The following CAPN12 variants were observed in gnomAD, a reference collection of about 807,000 sequenced individuals.
CAPN12 encodes the protein calpain-12.
A neutral mutation model predicts 95.0 loss-of-function variants in CAPN12; 107 were observed. That is an observed-to-expected ratio of 1.13 (90% confidence interval 0.96 to 1.32). The LOEUF is 1.32. Ranked by LOEUF, CAPN12 falls within the 40% of genes most tolerant of loss-of-function variation. CAPN12 has a pLI of 0.00. For synonymous variants in CAPN12, 505 were observed against 415.5 expected (o/e 1.22, Z -2.62); for missense variants, 1,136 against 997.8 (o/e 1.14, Z -1.87).
At chr19:38,730,911 C>T in intron 20 of CAPN12, 33 bp from the exon 21 acceptor site, 1 of 1,550,666 alleles carries the variant, frequency 6.4e-7, no homozygotes, top group South Asian at 1.2e-5. Flanking sequence ...TGGCTTGAGG[C>T]AGGGAGCTCG....
Position 38,736,132 on chromosome 19 carries a change from A to G in CAPN12, c.1561T>C (p.Ser521Pro). 1 of 1,507,630 alleles carries G rather than the reference A, an allele frequency of 6.6e-7. No homozygotes were observed. The highest frequency in any genetic ancestry group is 8.8e-7 in the Non-Finnish European group (1 of 1,131,516). 93.4% of individuals were successfully genotyped at this position (1,507,630 alleles called of 1,614,324 possible). Residue 521 changes from serine to proline, a missense_variant, in exon 12 of 21, where the codon TCC (serine) becomes CCC (proline). Transcript: ENST00000328867. ...DEADFTLRVF[S>P]ERRHTAVEID... ...CACACGGCCGTGTGGCGGCGCTCGG[A>G]GAAGACACGCAGAGTGAAGTCAGCC...
In CAPN12 at chr19:38,735,544, C is replaced by T. The variant is rs771842458; in HGVS notation, c.1584G>A (p.Val528=). The T allele has an allele frequency of 6.2e-6, 10 of 1,609,612 alleles. No individual in the cohort carries two copies. Among genetic ancestry groups the T allele is most frequent in the East Asian group, 2.2e-5 (1 of 44,556 alleles). Residue 528 remains valine (V), a splice_region_variant and synonymous_variant, in exon 13 of 21, where the codon GTG becomes GTA. Coordinates refer to ENST00000328867, the MANE Select transcript of CAPN12 (RefSeq NM_144691.4). The stretch of plus-strand genomic sequence containing the variant: ...CTGCGCTGATCACGTCGTCGATCTC[C>T]CTGCAAATTACAGATGGGAAGTGGG... ...RVFSERRHTA[V]EIDDVISADL...
At chr19:38,734,559 C>A in intron 15 of CAPN12, 170 bp from the exon 16 acceptor site, 1 of 686,246 alleles carries the variant, frequency 1.5e-6, no homozygotes. Flanking sequence ...GGATTCAAAT[C>A]CAGGCAGGGG....
rs1970553767 is a variant in CAPN12 at position 38,741,697 on chromosome 19, G to C, written c.560+80C>G. On this transcript the variant is annotated intron_variant, in intron 4 of 20. Transcript: ENST00000328867. Reference sequence around the variant, plus strand: ...GGGTGTTTGGAGGATTGCAGAGCTTGGGGGACTCTGGGTCCCCCTGTGGCT... The same window carrying C: ...GGGTGTTTGGAGGATTGCAGAGCTTCGGGGACTCTGGGTCCCCCTGTGGCT... 3 of 1,552,890 alleles carry C rather than the reference G, an allele frequency of 1.9e-6. No homozygotes were observed. In the Admixed American group the frequency reaches 5.4e-5, roughly 28 times the overall value.
At position 38,737,327 on chromosome 19, in the gene CAPN12, G is replaced by A. The variant is rs200010356; in HGVS notation, c.1191C>T (p.Asp397=). Residue 397 remains aspartate, a synonymous_variant, in exon 10 of 21, where the codon GAC becomes GAT. Transcript: ENST00000328867. ...CCCCCCAGGGCCCTTCCTCATCCTC[G>A]TCATCCTCCTCATCAGGCTCCAGCA... ...LTLLEPDEED[D]EDEEGPWGGW... The A allele has an allele frequency of 1.3e-4, 202 of 1,511,022 alleles. No homozygotes were observed. In the East Asian group the frequency reaches 2.0e-3, roughly 15 times the overall value. The allele number at this position is 1,511,022 out of a possible 1,614,324, so 93.6% of individuals were successfully genotyped here.
rs767899264 is a variant in CAPN12 at position 38,737,363 on chromosome 19, G to GA, written c.1154dup (p.Arg386ProfsTer8). ...CATCAGGCTCCAGCAGCGTTAAACG[G>GA]AACTGAGGATTGGTCCAGAAGGTTT... On this transcript the variant is annotated frameshift_variant, in exon 10 of 21. Coordinates refer to ENST00000328867, the MANE Select transcript of CAPN12 (RefSeq NM_144691.4). LOFTEE classifies it high-confidence loss of function. 4 of 1,609,740 alleles carry GA rather than the reference G, an allele frequency of 2.5e-6. No individual in the cohort carries two copies. The East Asian group carries it at 9.0e-5, about 36-fold the overall frequency.
In CAPN12 at chr19:38,737,547, C is replaced by A; in HGVS notation, c.1057G>T (p.Gly353Cys). The change falls in exon 9 of 21, where the codon GGC (glycine) becomes TGC (cysteine). Residue 353 changes from glycine (G) to cysteine (C), a missense_variant. Physicochemically the swap from Gly to Cys is radical, Grantham distance 159. Coordinates refer to ENST00000328867, the MANE Select transcript of CAPN12 (RefSeq NM_144691.4). The part of the protein sequence containing the change: ...EVLGPSPEGG[G>C]WHVHTFQGRW... The stretch of plus-strand genomic sequence containing the variant: ...CCTTGGAAGGTGTGGACGTGCCAGC[C>A]GCCCCCCTCCGGGCTGGGGCCCAGC... 2 of 1,612,464 alleles carry A rather than the reference C, an allele frequency of 1.2e-6. No homozygotes were observed. Among genetic ancestry groups the A allele is most frequent in the Non-Finnish European group, 1.7e-6 (2 of 1,179,834 alleles).
chr19:38,742,117 A>G, intron 3 of CAPN12: 2 of 656,158 alleles, frequency 3.0e-6, no homozygotes, highest in African/African-American at 3.7e-5. Flanking sequence ...CGAGGTCAGG[A>G]ATTCGAGACC....
rs200757892 is a variant in CAPN12 at position 38,734,799 on chromosome 19, C to T, written c.1744+14G>A. On this transcript the variant is annotated intron_variant, in intron 15 of 20. Coordinates refer to ENST00000328867, the MANE Select transcript of CAPN12 (RefSeq NM_144691.4). ...CTAAGACCCCTCCTCCTGCCCCTAT[C>T]CCAGCCAACTCACCAGGCTCCAGGG... The T allele has an allele frequency of 1.2e-6, 2 of 1,611,816 alleles. No homozygotes were observed. The highest frequency in any genetic ancestry group is 2.7e-5 in the African/African-American group (2 of 75,022).
chr19:38,735,362 C>G lies in CAPN12; in HGVS notation c.1686+8G>C, dbSNP rs1181633577. The G allele has an allele frequency of 6.3e-7, 1 of 1,583,150 alleles. No homozygotes were observed. Among genetic ancestry groups the G allele is most frequent in the Admixed American group, 1.7e-5 (1 of 57,852 alleles). ...GGGATACCCCCTCAGTCCAATCCCCCTCCTCACCTCTCCAGCCAGCTCCTG... is the reference window on the plus strand; with the variant it reads ...GGGATACCCCCTCAGTCCAATCCCCGTCCTCACCTCTCCAGCCAGCTCCTG... On this transcript the variant is annotated splice_region_variant and intron_variant, in intron 14 of 20. Transcript: ENST00000328867.
At chr19:38,732,283 C>G (rs546748412) in intron 18 of CAPN12, among the ~76,000 whole-genome samples, 11 of 152,348 alleles carry the variant, frequency 7.2e-5, no homozygotes, top group African/African-American at 1.4e-4. Context: ...CCCACGTCTC[C>G]CAATCCTTGG....
intron 20 of CAPN12, 32 bp downstream of exon 20, chr19:38,730,933 C>T (rs1198190953): frequency 1.3e-6 from 2 of 1,550,478 alleles, no homozygotes; most frequent in African/African-American, 1.4e-5. Context: ...AGGACAGAGC[C>T]TGAGCCACCC....
In CAPN12 at chr19:38,742,481, G is replaced by C. The variant is rs148606134; in HGVS notation, c.355C>G (p.Arg119Gly). 7.4e-6 allele frequency: 12 copies of C among 1,613,574 alleles called. No homozygotes were observed. The African/African-American group carries it at 1.6e-4, about 22-fold the overall frequency. The stretch of plus-strand genomic sequence containing the variant: ...GGAGGGACCACCCGGCGCAGGAGCC[G>C]GGGATACAGAGTAAGGGAGGCGGCA... ...AAAASLTLYP[R>G]LLRRVVPPGQ... Residue 119 changes from arginine to glycine, a missense_variant, in exon 3 of 21, where the codon CGG (arginine) becomes GGG (glycine). Coordinates refer to ENST00000328867, the MANE Select transcript of CAPN12 (RefSeq NM_144691.4).
Position 38,736,254 on chromosome 19 carries a change from C to G in CAPN12, c.1439G>C (p.Arg480Pro), listed in dbSNP as rs973992065. 1 of 1,469,098 alleles carries G rather than the reference C, an allele frequency of 6.8e-7. No individual in the cohort carries two copies. The highest frequency in any genetic ancestry group is 1.4e-5 in the South Asian group (1 of 73,692). The allele number at this position is 1,469,098 out of a possible 1,614,324, so 91.0% of individuals were successfully genotyped here. The change falls in exon 12 of 21, where the codon CGC becomes CCC. Residue 480 changes from arginine (R) to proline (P), a missense_variant. Transcript: ENST00000328867. The stretch of plus-strand genomic sequence containing the variant: ...GTCGCGGCGGGCGCTGAGGGGCGAG[C>G]GGTCGGCGCGCAGCAGCCGGGGCAG... ...ALLPRLLRADRSPLSARRDVT... is the reference protein window; with the variant it reads ...ALLPRLLRADPSPLSARRDVT...
chr19:38,736,682 C>A, intron 10 of CAPN12, 119 bp from the exon 11 acceptor site: 1 of 1,257,002 alleles, frequency 8.0e-7, no homozygotes, highest in East Asian at 2.6e-5. Flanking sequence ...CTATTAGACC[C>A]TTATTGAACC....
intron 11 of CAPN12, 98 bp downstream of exon 11, chr19:38,736,453 CA>C: frequency 1.4e-6 from 2 of 1,465,414 alleles, no homozygotes; most frequent in Non-Finnish European, 1.8e-6. Context: ...TCTGCCCCCC[CA>C]CCCCCAGGGC....
At chr19:38,740,356 A>G (rs948302379) in intron 4 of CAPN12, 137 bp from the exon 5 acceptor site, 15 of 968,882 alleles carry the variant, frequency 1.5e-5, no homozygotes, top group African/African-American at 3.3e-5. Context: ...GACTTTTTCC[A>G]GGGTCACCCT....
intron 1 of CAPN12, 157 bp from the exon 2 acceptor site, chr19:38,743,259 T>C: frequency 1.3e-6 from 1 of 746,970 alleles, no homozygotes; most frequent in South Asian, 1.8e-5. Flanking sequence ...GCCAGTCCCA[T>C]GGTAGCCCCC....
rs1300053078 is a variant in CAPN12 at position 38,735,641 on chromosome 19, T to TG, written c.1584-98_1584-97insC. ...GGTGAGGAATCGCGTGGGGTCTAGG[T>TG]AGGGACCGTGGAGCCCTGGGCTCAT... On this transcript the variant is annotated intron_variant, in intron 12 of 20. Transcript: ENST00000328867. 1.2e-4 allele frequency: 145 copies of TG among 1,162,844 alleles called. No individual in the cohort carries two copies. In the African/African-American group the frequency reaches 2.8e-3, roughly 23 times the overall value. The allele number at this position is 1,162,844 out of a possible 1,614,324, so 72.0% of individuals were successfully genotyped here. A position where few individuals can be genotyped will look rare whatever the true frequency, so the allele number is the denominator to read the frequency against.
Sources: allele counts gnomAD v4.1 joint callset (sites outside exome capture counted in the v4.1 genomes callset), GRCh38; gene constraint gnomAD v4.1.1; transcripts MANE v1.5; gene names NCBI Gene and HGNC (gene_info 2026-07-23, HGNC 2026-07-21).